The following GALNT11 variants were observed in gnomAD, a reference collection of about 807,000 sequenced individuals.
The protein encoded by GALNT11 is UDP-GalNAc:polypeptide N-acetylgalactosaminyltransferase 11.
GALNT11 carries 47 observed loss-of-function variants against 72.7 expected under a neutral mutation model. That is an observed-to-expected ratio of 0.65 (90% CI 0.51 to 0.82). The LOEUF is 0.82. Among genes scored for constraint, GALNT11 ranks in the 40% least tolerant of loss-of-function variants. The probability of loss-of-function intolerance (pLI) is 0.00; values close to 1 mark genes in which losing one functional copy is unlikely to be tolerated. For synonymous variants in GALNT11, 270 were observed against 286.6 expected, an observed-to-expected ratio of 0.94 and a Z score of 0.58; for missense variants, 677 against 778.4, an observed-to-expected ratio of 0.87 and a Z score of 1.55.
At chr7:152,052,361 T>C (rs973836006) in intron 1 of GALNT11, among the ~76,000 whole-genome samples, 7 of 152,154 alleles carry the variant, frequency 4.6e-5, no homozygotes, top group Non-Finnish European at 1.0e-4. Flanking sequence ...GAGTATACTA[T>C]ATACTCAAAA....
rs1208185027 is a variant in GALNT11 at position 152,100,146 on chromosome 7, C to T, written c.296-652C>T. 3.3e-5 allele frequency among the ~76,000 whole-genome samples: 5 copies of T among 151,844 alleles called. No homozygotes were observed. In the East Asian group the frequency reaches 5.8e-4, roughly 18 times the overall value. On this transcript the variant is annotated intron_variant, in intron 2 of 11. Transcript: ENST00000430044. ...CTGGGGAGGGACTCCTGTAAAAACT[C>T]GCATGTAATTGAGGCCTGTCAAGGG... is the stretch of plus-strand genomic sequence containing the variant.
rs770774886 is a variant in GALNT11, at chr7:152,103,231, C to T, written c.539C>T (p.Ala180Val). 19 of 1,613,692 alleles carry T rather than the reference C, an allele frequency of 1.2e-5. No homozygotes were observed. Among genetic ancestry groups the T allele is most frequent in the Non-Finnish European group, 1.5e-5 (18 of 1,179,662 alleles). The change falls in exon 4 of 12, where the codon GCA becomes GTA. Residue 180 changes from alanine to valine, a missense_variant. Physicochemically the swap from Ala to Val is moderately conservative, Grantham distance 64. Transcript: ENST00000430044. ...CACAGTGTCATAGACCGCACGCCAGCACACCTGCTTCATGAGATCATCCTT... is the reference window on the plus strand; with the variant it reads ...CACAGTGTCATAGACCGCACGCCAGTACACCTGCTTCATGAGATCATCCTT... ...TVHSVIDRTP[A>V]HLLHEIILVD...
intron 10 of GALNT11, 122 bp downstream of exon 10, chr7:152,118,904 C>A (rs1253036490): frequency 5.8e-6 from 4 of 693,096 alleles, no homozygotes; most frequent in Non-Finnish European, 9.2e-6. Flanking sequence ...TAACCCATTT[C>A]TGTGTAGTGT....
chr7:152,112,368 G>A (rs562768175), intron 7 of GALNT11, among the ~76,000 whole-genome samples: 1 of 152,084 alleles, frequency 6.6e-6, no homozygotes, highest in African/African-American at 2.4e-5. Flanking sequence ...GTGAAACCCC[G>A]TCTCTACTAA....
At chr7:152,071,743 TGG>T (rs1004710935) in intron 1 of GALNT11, among the ~76,000 whole-genome samples, 1 of 152,198 alleles carries the variant, frequency 6.6e-6, no homozygotes, top group African/African-American at 2.4e-5. Flanking sequence ...AGTATTAATT[TGG>T]GGAACTAATA....
intron 1 of GALNT11, among the ~76,000 whole-genome samples, chr7:152,087,575 T>C (rs751359141): frequency 6.6e-5 from 10 of 152,240 alleles, no homozygotes; most frequent in Non-Finnish European, 1.3e-4. Flanking sequence ...TATTATATGT[T>C]AAGTCTAGAT....
At chr7:152,089,951 G>A (rs1270845056) in intron 1 of GALNT11, among the ~76,000 whole-genome samples, 3 of 152,178 alleles carry the variant, frequency 2.0e-5, no homozygotes, top group Non-Finnish European at 4.4e-5. Context: ...TGAATTTTGC[G>A]ACGTCTGGCC....
At chr7:152,047,709 T>TGTGTGTGTGTGTGTGTGC (rs528749652) in intron 1 of GALNT11, among the ~76,000 whole-genome samples, 78 of 151,314 alleles carry the variant, frequency 5.2e-4, no homozygotes, top group African/African-American at 1.8e-3. Context: ...TGTGTGTGTG[T>TGTGTGTGTGTGTGTGTGC]GCGCACACAC....
intron 3 of GALNT11, among the ~76,000 whole-genome samples, chr7:152,101,645 G>A (rs542691310): frequency 3.4e-5 from 5 of 146,002 alleles, no homozygotes; most frequent in Non-Finnish European, 4.5e-5. Flanking sequence ...TTTTTTTTGG[G>A]GGGGGGGGGA....
chr7:152,121,969 T>C lies in GALNT11; in HGVS notation c.*292T>C, dbSNP rs1008830082. On this transcript the variant is annotated 3_prime_UTR_variant, in exon 12 of 12. Coordinates refer to ENST00000430044, the MANE Select transcript of GALNT11 (RefSeq NM_022087.4). ...CTGCTGTTAAGGAATTTCTTGCTTA[T>C]AGAGGCAAACCACAGTATCATTTTA... 2.1e-4 allele frequency: 60 copies of C among 287,332 alleles called. No individual in the cohort carries two copies. The highest frequency in any genetic ancestry group is 1.3e-4 in the Non-Finnish European group (20 of 152,506). The allele number at this position is 287,332 out of a possible 1,614,324, so 17.8% of individuals were successfully genotyped here.
At position 152,103,238 on chromosome 7, in the gene GALNT11, G is replaced by T; in HGVS notation, c.546G>T (p.Leu182=). The part of the protein sequence containing the change: ...HSVIDRTPAH[L]LHEIILVDDD... Reference sequence around the variant, plus strand: ...TCATAGACCGCACGCCAGCACACCTGCTTCATGAGATCATCCTTGTGGATG... The same window carrying T: ...TCATAGACCGCACGCCAGCACACCTTCTTCATGAGATCATCCTTGTGGATG... The change falls in exon 4 of 12, where the codon CTG becomes CTT. Residue 182 remains leucine (L), a synonymous_variant. Coordinates refer to ENST00000430044, the MANE Select transcript of GALNT11 (RefSeq NM_022087.4). The T allele has an allele frequency of 6.2e-7, 1 of 1,613,722 alleles. No individual in the cohort carries two copies. Among genetic ancestry groups the T allele is most frequent in the South Asian group, 1.1e-5 (1 of 91,068 alleles).
intron 6 of GALNT11, 119 bp from the exon 7 acceptor site, chr7:152,110,409 T>A: frequency 1.3e-6 from 1 of 779,174 alleles, no homozygotes; most frequent in Admixed American, 2.4e-5. Flanking sequence ...AAATGATTCA[T>A]AATCATTAAT....
At chr7:152,055,781 C>T (rs1472332616) in intron 1 of GALNT11, among the ~76,000 whole-genome samples, 1 of 151,718 alleles carries the variant, frequency 6.6e-6, no homozygotes, top group African/African-American at 2.4e-5. Flanking sequence ...TAAAATCTTG[C>T]ATCATGGGAA....
chr7:152,094,544 G>T lies in GALNT11; in HGVS notation c.295+22G>T. ...TTAGGTAAGTATATGATGTTTACCAGCATCCATATCAATGTATTTAATCAC... is the reference window on the plus strand; with the variant it reads ...TTAGGTAAGTATATGATGTTTACCATCATCCATATCAATGTATTTAATCAC... On this transcript the variant is annotated intron_variant, in intron 2 of 11. Transcript: ENST00000430044. This position sits in a 1 kb window ranked among gnomAD's most constrained non-coding sequence, Gnocchi z 4.3. 1 of 1,567,610 alleles carries T rather than the reference G, an allele frequency of 6.4e-7. No homozygotes were observed. Among genetic ancestry groups the T allele is most frequent in the East Asian group, 2.3e-5 (1 of 44,234 alleles).
rs183321584 is a variant in GALNT11 at position 152,032,540 on chromosome 7, G to T, written c.-39+6656G>T. 1.5e-3 allele frequency among the ~76,000 whole-genome samples: 233 copies of T among 152,244 alleles called. 2 individuals are homozygous for T. Among genetic ancestry groups the T allele is most frequent in the African/African-American group, 5.4e-3 (223 of 41,538 alleles). ...TACTCCTAGAATTGGGGTGTTGCAG[G>T]GACTGCTGCATTTCTTTACTAAGCC... On this transcript the variant is annotated intron_variant, in intron 1 of 11. Coordinates refer to ENST00000430044, the MANE Select transcript of GALNT11 (RefSeq NM_022087.4).
At chr7:152,081,507 C>A (rs995226126) in intron 1 of GALNT11, among the ~76,000 whole-genome samples, 6 of 152,210 alleles carry the variant, frequency 3.9e-5, no homozygotes. Context: ...ATATTAACAA[C>A]AGTAGATGCT....
intron 5 of GALNT11, among the ~76,000 whole-genome samples, chr7:152,105,782 G>T (rs1188416501): frequency 1.3e-5 from 2 of 152,210 alleles, no homozygotes; most frequent in Non-Finnish European, 2.9e-5. Context: ...AGTGCGGAGT[G>T]CATCCCTCTG....
At chr7:152,058,844 A>G (rs2083841819) in intron 1 of GALNT11, among the ~76,000 whole-genome samples, 1 of 152,192 alleles carries the variant, frequency 6.6e-6, no homozygotes, top group South Asian at 2.1e-4. Context: ...TCACAGCATC[A>G]TCACCAGGAG....
At chr7:152,112,457 C>T (rs1357950221) in intron 7 of GALNT11, among the ~76,000 whole-genome samples, 1 of 151,796 alleles carries the variant, frequency 6.6e-6, no homozygotes, top group African/African-American at 2.4e-5. Context: ...AGGAGAATCG[C>T]TTGAACCTGG....
Sources: gnomAD v4.1 joint callset for allele counts (sites outside exome capture counted in the v4.1 genomes callset) on GRCh38, gnomAD v4.1.1 for gene constraint, Gnocchi (gnomAD v3.1) non-coding constraint, MANE v1.5 for transcripts, NCBI Gene and HGNC (gene_info 2026-07-23, HGNC 2026-07-21) for gene names.